C3orf49: variants seen among roughly 807,000 people sequenced by gnomAD.
The protein encoded by C3orf49 is putative uncharacterized protein C3orf49.
A neutral mutation model predicts 13.3 loss-of-function variants in C3orf49; 27 were observed. The observed-to-expected ratio is 2.02, with a 90% CI of 1.49 to 2.79. The LOEUF (loss-of-function observed/expected upper bound fraction) is 2.79, where lower values mean the gene tolerates loss of function less well. Among genes scored for constraint, C3orf49 ranks in the 30% most tolerant of loss-of-function variants. The probability of loss-of-function intolerance (pLI) is 0.00; values close to 1 mark genes in which losing one functional copy is unlikely to be tolerated. For missense variants in C3orf49, 242 were observed against 134.2 expected (o/e 1.80, Z -3.97); for synonymous variants, 87 against 47.6 (o/e 1.83, Z -3.40).
Position 63,831,823 on chromosome 3 carries a change from G to T in C3orf49, c.828G>T (p.Met276Ile), listed in dbSNP as rs76664296. 8.0e-4 allele frequency: 556 copies of T among 698,098 alleles called. 4 individuals carry two copies. The East Asian group carries it at 0.015, about 19-fold the overall frequency. 43.2% of individuals were successfully genotyped at this position (698,098 alleles called of 1,614,324 possible). ...TCCAGAGGATATCCAAGAGAACCAT[G>T]AGGAAGTATAAATTAAAAAATGTGT... ...KQFQRISKRT[M>I]RKYKLKNMTT... is the part of the protein sequence containing the mutation. The change falls in exon 5 of 7, where the codon ATG becomes ATT. Residue 276 changes from methionine to isoleucine, a missense_variant. Physicochemically the swap from Met to Ile is conservative, Grantham distance 10 (BLOSUM62 1). Coordinates refer to ENST00000295896, the MANE Select transcript of C3orf49 (RefSeq NM_001355236.2).
At chr3:63,795,260 C>T in the C3orf49 span, among the ~76,000 whole-genome samples, 1 of 152,240 alleles carries the variant, frequency 6.6e-6, no homozygotes, top group East Asian at 1.9e-4. Context: ...ATTTTATTTA[C>T]ATGAGGTGAG....
intron 5 of C3orf49, among the ~76,000 whole-genome samples, chr3:63,841,668 T>C (rs1250186347): frequency 6.6e-6 from 1 of 152,242 alleles, no homozygotes; most frequent in Non-Finnish European, 1.5e-5. Context: ...ATCAAGTGTT[T>C]TAATTTTATA....
chr3:63,785,598 C>G, the C3orf49 span, among the ~76,000 whole-genome samples: 1 of 152,074 alleles, frequency 6.6e-6, no homozygotes, highest in Non-Finnish European at 1.5e-5. Context: ...CAGTGGCTAC[C>G]CACTTAGGAG....
intron 5 of C3orf49, among the ~76,000 whole-genome samples, chr3:63,844,624 C>G (rs1701847243): frequency 6.6e-6 from 1 of 152,160 alleles, no homozygotes. Flanking sequence ...GCTTATGCAG[C>G]TATTGTGGAA....
rs986438840 is a variant in C3orf49, at chr3:63,819,424, A to C, written c.-48A>C. 43 of 695,028 alleles carry C rather than the reference A, an allele frequency of 6.2e-5. No individual in the cohort carries two copies. The highest frequency in any genetic ancestry group is 2.3e-4 in the Admixed American group (11 of 48,592). 43.1% of individuals were successfully genotyped at this position (695,028 alleles called of 1,614,324 possible). ...ATTTTGTATTGAAGTCTGTAAGTTC[A>C]AGAACTAAAACAATCCAAAACGGCT... is the stretch of plus-strand genomic sequence containing the variant. On this transcript the variant is annotated 5_prime_UTR_variant, in exon 1 of 7. Transcript: ENST00000295896.
chr3:63,819,200 G>C (rs1312593511), upstream of C3orf49, among the ~76,000 whole-genome samples: 1 of 152,106 alleles, frequency 6.6e-6, no homozygotes, highest in African/African-American at 2.4e-5. Context: ...AATCTGTGAA[G>C]TGTTCCACAA....
At chr3:63,820,203 G>A (rs374191870) in intron 1 of C3orf49, among the ~76,000 whole-genome samples, 2 of 152,034 alleles carry the variant, frequency 1.3e-5, no homozygotes, top group African/African-American at 4.8e-5. Flanking sequence ...CAGGTCCATG[G>A]GCTATAGTTC....
intron 5 of C3orf49, chr3:63,839,555 A>C: frequency 6.1e-6 from 6 of 987,190 alleles, no homozygotes; most frequent in Non-Finnish European, 9.7e-6. Flanking sequence ...TCCACTGTAC[A>C]TTTAAGGTGA....
intron 6 of C3orf49, among the ~76,000 whole-genome samples, chr3:63,845,467 G>A (rs1701871075): frequency 1.3e-5 from 2 of 152,188 alleles, no homozygotes; most frequent in South Asian, 4.1e-4. Context: ...TATGACCAGA[G>A]GGAAATGTGC....
chr3:63,819,588 G>T lies in C3orf49; in HGVS notation c.117G>T (p.Gly39=), dbSNP rs1701369277. 1 of 703,290 alleles carries T rather than the reference G, an allele frequency of 1.4e-6. No homozygotes were observed. Among genetic ancestry groups the T allele is most frequent in the South Asian group, 1.5e-5 (1 of 67,598 alleles). The allele number at this position is 703,290 out of a possible 1,614,324, so 43.6% of individuals were successfully genotyped here. Residue 39 remains glycine (G), a synonymous_variant, in exon 1 of 7, where the codon GGG becomes GGT. Transcript: ENST00000295896. ...AAAATGGCTCATTCAAAAGGAAGGGGATAGAAAGGTAACAGAGATTCATTT... is the reference window on the plus strand; with the variant it reads ...AAAATGGCTCATTCAAAAGGAAGGGTATAGAAAGGTAACAGAGATTCATTT... ...KKKNGSFKRK[G]IERWHRAVST...
the C3orf49 span, among the ~76,000 whole-genome samples, chr3:63,813,970 T>C: frequency 6.6e-6 from 1 of 152,198 alleles, no homozygotes; most frequent in South Asian, 2.1e-4. Context: ...TTCTACTCTA[T>C]GTATTTACTT....
the C3orf49 span, among the ~76,000 whole-genome samples, chr3:63,788,422 T>C: frequency 6.6e-6 from 1 of 152,118 alleles, no homozygotes; most frequent in African/African-American, 2.4e-5. Flanking sequence ...TTTAAAAACA[T>C]TTTGAGAGGG....
chr3:63,846,685 A>G (rs1701904963), intron 6 of C3orf49, among the ~76,000 whole-genome samples: 1 of 152,150 alleles, frequency 6.6e-6, no homozygotes, highest in Non-Finnish European at 1.5e-5. Flanking sequence ...TGCGGGAATT[A>G]TAGGCATGAG....
At chr3:63,842,764 A>C (rs1363332087) in intron 5 of C3orf49, among the ~76,000 whole-genome samples, 3 of 152,114 alleles carry the variant, frequency 2.0e-5, no homozygotes, top group Non-Finnish European at 4.4e-5. Flanking sequence ...ATAAGTACAC[A>C]CTTGTGTAGT....
Position 63,823,321 on chromosome 3 carries a change from A to T in C3orf49, c.197A>T (p.Asp66Val), listed in dbSNP as rs1476634242. The change falls in exon 2 of 7, where the codon GAT becomes GTT. Residue 66 changes from aspartate (D) to valine (V), a missense_variant. Asp to Val is a radical substitution (Grantham distance 152, BLOSUM62 -3). Transcript: ENST00000295896. ...VLVPKEESSS[D>V]SDMGFHESQQ... Reference sequence around the variant, plus strand: ...GTCCCTAAAGAGGAATCATCCAGTGATAGTGACATGGGATTTCATGAAAGC... The same window carrying T: ...GTCCCTAAAGAGGAATCATCCAGTGTTAGTGACATGGGATTTCATGAAAGC... 1 of 703,126 alleles carries T rather than the reference A, an allele frequency of 1.4e-6. No homozygotes were observed. Among genetic ancestry groups the T allele is most frequent in the Admixed American group, 2.0e-5 (1 of 50,018 alleles). The allele number at this position is 703,126 out of a possible 1,614,324, so 43.6% of individuals were successfully genotyped here. A position where few individuals can be genotyped will look rare whatever the true frequency, so the allele number is the denominator to read the frequency against.
the C3orf49 span, among the ~76,000 whole-genome samples, chr3:63,806,793 A>C: frequency 6.6e-6 from 1 of 151,340 alleles, no homozygotes; most frequent in Non-Finnish European, 1.5e-5. Context: ...GGCCTGCCTG[A>C]CTCTGCTTCA....
upstream of C3orf49, among the ~76,000 whole-genome samples, chr3:63,814,634 G>A (rs1559596485): frequency 6.6e-6 from 1 of 152,102 alleles, no homozygotes; most frequent in East Asian, 1.9e-4. Flanking sequence ...AATGTCCGGG[G>A]AATGATCACA....
At chr3:63,807,857 C>CAA in the C3orf49 span, among the ~76,000 whole-genome samples, 39 of 32,146 alleles carry the variant, frequency 1.2e-3, no homozygotes, top group Middle Eastern at 0.017. Flanking sequence ...AACTTCATCT[C>CAA]AAAAAAAAAA....
chr3:63,797,205 C>G, the C3orf49 span, among the ~76,000 whole-genome samples: 1 of 151,996 alleles, frequency 6.6e-6, no homozygotes, highest in East Asian at 1.9e-4. Context: ...TTCCCTCTGG[C>G]ATGTTTCAAG....
Sources: gnomAD v4.1 joint callset for allele counts (sites outside exome capture counted in the v4.1 genomes callset) on GRCh38, gnomAD v4.1.1 for gene constraint, MANE v1.5 for transcripts, NCBI Gene and HGNC (gene_info 2026-07-23, HGNC 2026-07-21) for gene names.